TEAD1: variants seen among roughly 807,000 people sequenced by gnomAD.
TEAD1 encodes the protein transcriptional enhancer factor TEF-1.
In TEAD1, 9 loss-of-function variants were observed where a neutral mutation model predicts 54.9. That is an observed-to-expected ratio of 0.16 (90% confidence interval 0.10 to 0.29). The LOEUF (loss-of-function observed/expected upper bound fraction) is 0.29, where lower values mean the gene tolerates loss of function less well. Ranked by LOEUF, TEAD1 falls within the 10% of genes least tolerant of loss-of-function variation. The pLI is 1.00. For missense variants in TEAD1, 387 were observed against 535.9 expected, an observed-to-expected ratio of 0.72 and a Z score of 2.74; for synonymous variants, 200 against 187.8, an observed-to-expected ratio of 1.07 and a Z score of -0.53.
At chr11:12,810,696 CT>C (rs1478298580) in intron 3 of TEAD1, among the ~76,000 whole-genome samples, 8 of 152,198 alleles carry the variant, frequency 5.3e-5, no homozygotes, top group Non-Finnish European at 5.9e-5. Context: ...AGCAGTAGGT[CT>C]TTCATGCTGA....
At chr11:12,810,479 G>C (rs1206489926) in intron 3 of TEAD1, among the ~76,000 whole-genome samples, 1 of 152,144 alleles carries the variant, frequency 6.6e-6, no homozygotes, top group African/African-American at 2.4e-5. Flanking sequence ...AGAACTCTGG[G>C]CTCCTTGCCC....
intron 3 of TEAD1, among the ~76,000 whole-genome samples, chr11:12,858,807 A>G (rs1346549788): frequency 6.6e-6 from 1 of 152,214 alleles, no homozygotes; most frequent in African/African-American, 2.4e-5. Context: ...ACTGAACAAC[A>G]GGATACGTTC....
chr11:12,721,718 A>G (rs1370106019), intron 2 of TEAD1, among the ~76,000 whole-genome samples: 1 of 152,204 alleles, frequency 6.6e-6, no homozygotes, highest in African/African-American at 2.4e-5. Flanking sequence ...TCTGGAAAAT[A>G]TAGATCACTC....
intron 3 of TEAD1, among the ~76,000 whole-genome samples, chr11:12,837,791 CT>C (rs74865348): frequency 0.073 from 1,507 of 20,560 alleles, 33 homozygotes; most frequent in African/African-American, 0.16. Flanking sequence ...CTTCTTCCTT[CT>C]TTCTTCCTTC....
At position 12,764,413 on chromosome 11, in the gene TEAD1, T is replaced by C; in HGVS notation, c.181T>C (p.Ser61Pro). ...ATGTGGGAGGAGGAAAATCATCTTA[T>C]CAGACGAAGGCAAAATGTATGGTAA... The change falls in exon 3 of 13, where the codon TCA (serine) becomes CCA (proline). Residue 61 changes from serine (S) to proline (P), a missense_variant. This residue lies in a region of TEAD1 where 7 missense variants were observed against 62.7 expected (regional missense o/e 0.11). Coordinates refer to ENST00000527636, the MANE Select transcript of TEAD1 (RefSeq NM_021961.6). 1 of 1,614,160 alleles carries C rather than the reference T, an allele frequency of 6.2e-7. No homozygotes were observed. The highest frequency in any genetic ancestry group is 8.5e-7 in the Non-Finnish European group (1 of 1,180,024).
At chr11:12,897,494 T>G (rs1340842479) in intron 9 of TEAD1, among the ~76,000 whole-genome samples, 1 of 152,218 alleles carries the variant, frequency 6.6e-6, no homozygotes, top group Non-Finnish European at 1.5e-5. Flanking sequence ...GTTTCAATGC[T>G]GTGGTCTCCA....
chr11:12,854,180 G>A (rs1226234355), intron 3 of TEAD1, among the ~76,000 whole-genome samples: 1 of 152,174 alleles, frequency 6.6e-6, no homozygotes, highest in East Asian at 1.9e-4. Flanking sequence ...CGTTGGATAT[G>A]CTGTGGGACT....
At chr11:12,848,652 G>A (rs772176360) in intron 3 of TEAD1, 5 of 152,078 alleles carry the variant, frequency 3.3e-5, no homozygotes, top group Non-Finnish European at 5.9e-5. Flanking sequence ...TGGTGTATAA[G>A]CACAGTGCTT....
At chr11:12,868,003 G>A (rs1192341482) in intron 5 of TEAD1, among the ~76,000 whole-genome samples, 1 of 152,158 alleles carries the variant, frequency 6.6e-6, no homozygotes, top group African/African-American at 2.4e-5. Context: ...CACAAACTCA[G>A]ACGTCGAAGG....
intron 2 of TEAD1, among the ~76,000 whole-genome samples, chr11:12,754,879 A>C (rs1033058514): frequency 6.6e-6 from 1 of 152,140 alleles, no homozygotes; most frequent in African/African-American, 2.4e-5. Context: ...ATAATTTAGG[A>C]TAGATGGGGC....
chr11:12,893,225 A>G (rs928098454), intron 9 of TEAD1, among the ~76,000 whole-genome samples: 3 of 152,120 alleles, frequency 2.0e-5, no homozygotes, highest in African/African-American at 7.2e-5. Context: ...TAGTCCTTGA[A>G]TGTCTCTCAG....
intron 5 of TEAD1, among the ~76,000 whole-genome samples, chr11:12,867,064 T>C (rs539449120): frequency 2.2e-4 from 33 of 152,298 alleles, no homozygotes; most frequent in Non-Finnish European, 4.7e-4. Flanking sequence ...ACTTACAGTA[T>C]TCTGCTTTTG....
intron 2 of TEAD1, among the ~76,000 whole-genome samples, chr11:12,697,058 C>G (rs1238745523): frequency 6.6e-6 from 1 of 152,072 alleles, no homozygotes; most frequent in Non-Finnish European, 1.5e-5. Flanking sequence ...AGGAATTTTC[C>G]CAGTCGTGCC....
At chr11:12,695,098 C>A (rs1009535600) in intron 2 of TEAD1, among the ~76,000 whole-genome samples, 7 of 152,252 alleles carry the variant, frequency 4.6e-5, no homozygotes, top group African/African-American at 1.4e-4. Context: ...AGCGCACAGC[C>A]AGGCTGGCGA....
intron 2 of TEAD1, among the ~76,000 whole-genome samples, chr11:12,723,878 G>T (rs1944261399): frequency 6.6e-6 from 1 of 152,126 alleles, no homozygotes; most frequent in Non-Finnish European, 1.5e-5. Flanking sequence ...GTGCAAGGGA[G>T]CCCAACTTGT....
chr11:12,898,601 G>T (rs1449287653), intron 9 of TEAD1, among the ~76,000 whole-genome samples: 1 of 151,726 alleles, frequency 6.6e-6, no homozygotes, highest in Non-Finnish European at 1.5e-5. Flanking sequence ...CTCCGTGTTG[G>T]CCAGGCTGGT....
intron 9 of TEAD1, among the ~76,000 whole-genome samples, chr11:12,891,180 C>T (rs1045797174): frequency 6.6e-6 from 1 of 152,214 alleles, no homozygotes; most frequent in Non-Finnish European, 1.5e-5. Flanking sequence ...TCATTCCTAT[C>T]CTACCCTTAA....
At chr11:12,679,270 A>G (rs748633718) in intron 2 of TEAD1, among the ~76,000 whole-genome samples, 18 of 152,164 alleles carry the variant, frequency 1.2e-4, no homozygotes, top group Non-Finnish European at 2.5e-4. Flanking sequence ...TACTATCCTA[A>G]TGCAATGCTT....
intron 5 of TEAD1, 64 bp from the exon 6 acceptor site, chr11:12,879,644 C>T (rs779444490): frequency 5.6e-6 from 9 of 1,609,268 alleles, no homozygotes; most frequent in Non-Finnish European, 7.7e-6. Flanking sequence ...GTGGCTGTGC[C>T]TGTGTAACCT....
Sources: allele counts gnomAD v4.1 joint callset (sites outside exome capture counted in the v4.1 genomes callset), GRCh38; gene constraint gnomAD v4.1.1; regional missense constraint gnomAD v4.1.1; transcripts MANE v1.5; gene names NCBI Gene and HGNC (gene_info 2026-07-23, HGNC 2026-07-21).